The following VAV1 variants were observed in gnomAD, a reference collection of about 807,000 sequenced individuals.
VAV1 encodes the protein vav guanine nucleotide exchange factor 1, also known as proto-oncogene vav.
In VAV1, 33 loss-of-function variants were observed where a neutral mutation model predicts 128.1. The observed-to-expected ratio is 0.26, with a 90% CI of 0.20 to 0.34. The LOEUF (loss-of-function observed/expected upper bound fraction) is 0.34, where lower values mean the gene tolerates loss of function less well. Ranked by LOEUF, VAV1 falls within the 10% of genes least tolerant of loss-of-function variation. The pLI is 1.00. For missense variants in VAV1, 715 were observed against 1,093.7 expected, an observed-to-expected ratio of 0.65 and a Z score of 4.88; for synonymous variants, 394 against 409.8, an observed-to-expected ratio of 0.96 and a Z score of 0.47.
chr19:6,783,208 C>A (rs1329363976), intron 1 of VAV1, among the ~76,000 whole-genome samples: 2 of 152,050 alleles, frequency 1.3e-5, no homozygotes, highest in Non-Finnish European at 2.9e-5. Flanking sequence ...ACAAACAAAA[C>A]CAAACCCTCA....
Position 6,821,661 on chromosome 19 carries a change from G to A in VAV1, c.361G>A (p.Ala121Thr), listed in dbSNP as rs1971787509. Reference sequence around the variant, plus strand: ...GTCTGCTCTGTCCTGGACCCCGATCGCCCAGAACAGGGGGATCATGTGAGT... The same window carrying A: ...GTCTGCTCTGTCCTGGACCCCGATCACCCAGAACAGGGGGATCATGTGAGT... ...TLSALSWTPI[A>T]QNRGIMPFPT... The change falls in exon 3 of 27, where the codon GCC becomes ACC. Residue 121 changes from alanine to threonine, a missense_variant. Around this residue, in one of 3 missense-constraint regions of VAV1, gnomAD observed 302 missense variants for 477.8 expected, o/e 0.63. Transcript: ENST00000602142. The A allele has an allele frequency of 6.2e-7, 1 of 1,614,120 alleles. No homozygotes were observed. The highest frequency in any genetic ancestry group is 8.5e-7 in the Non-Finnish European group (1 of 1,180,022).
At chr19:6,830,930 CAT>C (rs1286128992) in intron 14 of VAV1, among the ~76,000 whole-genome samples, 1 of 151,842 alleles carries the variant, frequency 6.6e-6, no homozygotes, top group Non-Finnish European at 1.5e-5. Flanking sequence ...CTCTACAAAA[CAT>C]AAAAAAAAAT....
chr19:6,847,736 A>C (rs543218141), intron 22 of VAV1, among the ~76,000 whole-genome samples: 14 of 152,196 alleles, frequency 9.2e-5, no homozygotes, highest in African/African-American at 3.4e-4. Context: ...ACACCCAGCC[A>C]GACCCAAAGG....
intron 13 of VAV1, among the ~76,000 whole-genome samples, 195 bp downstream of exon 13, chr19:6,829,095 T>C (rs1216494497): frequency 4.0e-5 from 6 of 148,950 alleles, no homozygotes; most frequent in African/African-American, 7.5e-5. Context: ...AGAGCCAGGC[T>C]TCTAGATAGG....
chr19:6,822,656 T>A lies in VAV1; in HGVS notation c.654+142T>A. The A allele has an allele frequency of 1.6e-6, 1 of 629,742 alleles. No homozygotes were observed. Among genetic ancestry groups the A allele is most frequent in the Non-Finnish European group, 2.7e-6 (1 of 371,618 alleles). 39.0% of individuals were successfully genotyped at this position (629,742 alleles called of 1,614,324 possible). ...TCCTTTCTGTGACTGTCTCCGTCTC[T>A]GAGTTTCTCTGACTTACATATGTAT... is the stretch of plus-strand genomic sequence containing the variant. On this transcript the variant is annotated intron_variant, in intron 6 of 26. Transcript: ENST00000602142. The surrounding 1 kb of genome is among the most constrained non-coding windows in gnomAD (Gnocchi z 5.9).
rs1568310119 is a variant in VAV1 at position 6,833,150 on chromosome 19, T to C, written c.1509-34T>C. 1.0e-5 allele frequency: 15 copies of C among 1,506,854 alleles called. No individual in the cohort carries two copies. In the Admixed American group the frequency reaches 2.3e-4, roughly 23 times the overall value. 93.3% of individuals were successfully genotyped at this position (1,506,854 alleles called of 1,614,324 possible). ...ATAAAAAGGAATAAAATACTGACCT[T>C]CTTTTTTTTTTTTTTTTAATTTTCC... On this transcript the variant is annotated intron_variant, in intron 15 of 26. Coordinates refer to ENST00000602142, the MANE Select transcript of VAV1 (RefSeq NM_005428.4).
At chr19:6,847,001 C>T (rs911171041) in intron 22 of VAV1, among the ~76,000 whole-genome samples, 8 of 150,984 alleles carry the variant, frequency 5.3e-5, no homozygotes, top group Non-Finnish European at 1.0e-4. Flanking sequence ...GCAACCTCCG[C>T]CTACCGAGTT....
In VAV1 at chr19:6,826,769, A is replaced by G. The variant is rs1030888675; in HGVS notation, c.927+58A>G. The stretch of plus-strand genomic sequence containing the variant: ...CCGCTCCTCCCCAGGCCCTGGGGGC[A>G]GCAGGGAGGACACTGAGTTGCAGAT... On this transcript the variant is annotated intron_variant, in intron 9 of 26. Coordinates refer to ENST00000602142, the MANE Select transcript of VAV1 (RefSeq NM_005428.4). This position sits in a 1 kb window ranked among gnomAD's most constrained non-coding sequence, Gnocchi z 4.1. 2 of 1,342,950 alleles carry G rather than the reference A, an allele frequency of 1.5e-6. No homozygotes were observed. Among genetic ancestry groups the G allele is most frequent in the African/African-American group, 2.9e-5 (2 of 69,290 alleles). The allele number at this position is 1,342,950 out of a possible 1,614,324, so 83.2% of individuals were successfully genotyped here.
In VAV1 at chr19:6,822,280, G is replaced by A. The variant is rs781046322; in HGVS notation, c.509G>A (p.Gly170Asp). ...YDCVENEEAE[G>D]DEIYEDLMRS... Reference sequence around the variant, plus strand: ...TGCGTGGAGAATGAGGAGGCGGAAGGCGACGAGATCTATGAGGACCTCATG... The same window carrying A: ...TGCGTGGAGAATGAGGAGGCGGAAGACGACGAGATCTATGAGGACCTCATG... Residue 170 changes from glycine (G) to aspartate (D), a missense_variant, in exon 5 of 27, where the codon GGC becomes GAC. Around this residue, in one of 3 missense-constraint regions of VAV1, gnomAD observed 302 missense variants for 477.8 expected, o/e 0.63. Transcript: ENST00000602142. The surrounding 1 kb of genome is among the most constrained non-coding windows in gnomAD (Gnocchi z 5.9). 1 of 1,593,110 alleles carries A rather than the reference G, an allele frequency of 6.3e-7. No homozygotes were observed. The highest frequency in any genetic ancestry group is 8.5e-7 in the Non-Finnish European group (1 of 1,171,552).
Position 6,827,633 on chromosome 19 carries a change from C to G in VAV1, c.928-443C>G, listed in dbSNP as rs145443661. On this transcript the variant is annotated intron_variant, in intron 9 of 26. Transcript: ENST00000602142. ...TTGTTTTTTGAGATGGAGTCTCCCT[C>G]TGTCACCCAGGTTGGAGTGAAGTGG... Among the ~76,000 whole-genome samples the G allele has an allele frequency of 7.0e-3, 1,070 of 152,246 alleles. 18 individuals are homozygous for G. The highest frequency in any genetic ancestry group is 0.024 in the African/African-American group (996 of 41,530).
chr19:6,853,288 CAG>C (rs1432143183), intron 25 of VAV1, among the ~76,000 whole-genome samples: 1 of 151,022 alleles, frequency 6.6e-6, no homozygotes, highest in African/African-American at 2.4e-5. Context: ...TTTTTTGAGA[CAG>C]AGTCTCACTC....
At chr19:6,800,566 T>C (rs956000744) in intron 1 of VAV1, among the ~76,000 whole-genome samples, 7 of 152,126 alleles carry the variant, frequency 4.6e-5, no homozygotes, top group Non-Finnish European at 8.8e-5. Context: ...CACCTCAGCG[T>C]CCCAAAGTGC....
At position 6,856,912 on chromosome 19, in the gene VAV1, G is replaced by A. The variant is rs957608121; in HGVS notation, c.2485-142G>A. On this transcript the variant is annotated intron_variant, in intron 26 of 26. Coordinates refer to ENST00000602142, the MANE Select transcript of VAV1 (RefSeq NM_005428.4). Reference sequence around the variant, plus strand: ...TGTGTGTGTGGTCAGCCTTGTGTACGTTGGGTGATGTGTTTTCTGGGATAG... The same window carrying A: ...TGTGTGTGTGGTCAGCCTTGTGTACATTGGGTGATGTGTTTTCTGGGATAG... 34 of 683,942 alleles carry A rather than the reference G, an allele frequency of 5.0e-5. No individual in the cohort carries two copies. In the Admixed American group the frequency reaches 5.1e-4, roughly 10 times the overall value. 42.4% of individuals were successfully genotyped at this position (683,942 alleles called of 1,614,324 possible).
At chr19:6,791,397 C>CT (rs1280335725) in intron 1 of VAV1, among the ~76,000 whole-genome samples, 1 of 151,576 alleles carries the variant, frequency 6.6e-6, no homozygotes, top group Non-Finnish European at 1.5e-5. Flanking sequence ...GGTCCTTGAG[C>CT]TAGCTCCTCA....
intron 21 of VAV1, among the ~76,000 whole-genome samples, chr19:6,841,934 G>C (rs1294960742): frequency 6.6e-6 from 1 of 152,020 alleles, no homozygotes. Flanking sequence ...TAGTGAAAGT[G>C]AGCACTTTCG....
chr19:6,795,770 G>A (rs1390105735), intron 1 of VAV1, among the ~76,000 whole-genome samples: 1 of 152,112 alleles, frequency 6.6e-6, no homozygotes, highest in East Asian at 1.9e-4. Context: ...TGCAACCTCC[G>A]CCTCCTGGGT....
At chr19:6,837,763 T>C (rs1435680746) in intron 21 of VAV1, among the ~76,000 whole-genome samples, 1 of 152,168 alleles carries the variant, frequency 6.6e-6, no homozygotes, top group Non-Finnish European at 1.5e-5. Flanking sequence ...AGTATTTATT[T>C]TTCCTGGAAG....
intron 16 of VAV1, 59 bp from the exon 17 acceptor site, chr19:6,833,469 A>T: frequency 6.7e-7 from 1 of 1,502,458 alleles, no homozygotes; most frequent in Non-Finnish European, 9.0e-7. Flanking sequence ...TTTTAGCAGA[A>T]TATTTGGCCC....
intron 21 of VAV1, 105 bp from the exon 22 acceptor site, chr19:6,843,029 TA>T (rs761505149): frequency 1.5e-5 from 20 of 1,294,884 alleles, no homozygotes; most frequent in Non-Finnish European, 2.1e-5. Flanking sequence ...AGGCACTCAC[TA>T]AATGCAAGTG....
Sources: allele counts gnomAD v4.1 joint callset (sites outside exome capture counted in the v4.1 genomes callset), GRCh38; gene constraint gnomAD v4.1.1; regional missense constraint gnomAD v4.1.1; non-coding constraint Gnocchi (gnomAD v3.1); transcripts MANE v1.5; gene names NCBI Gene and HGNC (gene_info 2026-07-23, HGNC 2026-07-21).